Variants in EEPD1 observed in about 807,000 individuals in gnomAD.
The protein encoded by EEPD1 is endonuclease/exonuclease/phosphatase family domain-containing protein 1.
Under a neutral mutation model 46.3 loss-of-function variants are expected in EEPD1, and 17 were observed. The ratio of observed to expected loss-of-function variants is 0.37; its 90% CI spans 0.25 to 0.55. The LOEUF is 0.55. EEPD1 is among the 20% of genes least tolerant of loss of function. The probability of loss-of-function intolerance (pLI) is 0.83; values close to 1 mark genes in which losing one functional copy is unlikely to be tolerated. For missense variants in EEPD1, 673 were observed against 745.6 expected (o/e 0.90, Z 1.13); for synonymous variants, 313 against 315.6 (o/e 0.99, Z 0.09).
chr7:36,164,398 ACT>A lies in EEPD1; in HGVS notation c.878+9198_878+9199del, dbSNP rs1324367977. ...CTCTCTGGTAAGCACATGATGCCCT[ACT>A]CACAGCTGATCAAGCCAAGTGTACT... On this transcript the variant is annotated intron_variant, in intron 2 of 7. Coordinates refer to ENST00000242108, the MANE Select transcript of EEPD1 (RefSeq NM_030636.3). Among the ~76,000 whole-genome samples, 843 of 152,334 alleles carry A rather than the reference ACT, an allele frequency of 5.5e-3. 7 individuals carry two copies. The highest frequency in any genetic ancestry group is 0.02 in the African/African-American group (814 of 41,584).
chr7:36,267,979 A>T (rs1316207120), intron 3 of EEPD1, among the ~76,000 whole-genome samples: 1 of 152,124 alleles, frequency 6.6e-6, no homozygotes, highest in African/African-American at 2.4e-5. Context: ...GTGAGCCCCC[A>T]CCAGGAATGG....
At chr7:36,206,197 G>T (rs199626118) in intron 2 of EEPD1, among the ~76,000 whole-genome samples, 4 of 151,840 alleles carry the variant, frequency 2.6e-5, no homozygotes, top group Non-Finnish European at 4.4e-5. Flanking sequence ...CAAGAAATGA[G>T]CGAATCTCCT....
chr7:36,195,631 A>C (rs1211656872), intron 2 of EEPD1, among the ~76,000 whole-genome samples: 1 of 152,200 alleles, frequency 6.6e-6, no homozygotes, highest in African/African-American at 2.4e-5. Flanking sequence ...TGTCAGTCAA[A>C]GGATACAAAA....
rs1254128922 is a variant in EEPD1, at chr7:36,300,050, G to A, written c.*844G>A. The stretch of plus-strand genomic sequence containing the variant: ...CACTATTTGTTTAGTTCTCTTTGCA[G>A]GACAAGAATTCTCTCAGGGTGGTAT... On this transcript the variant is annotated 3_prime_UTR_variant, in exon 8 of 8. Coordinates refer to ENST00000242108, the MANE Select transcript of EEPD1 (RefSeq NM_030636.3). 2.0e-5 allele frequency: 3 copies of A among 152,296 alleles called. No individual in the cohort carries two copies. The highest frequency in any genetic ancestry group is 7.2e-5 in the African/African-American group (3 of 41,428). The allele number at this position is 152,296 out of a possible 1,614,324, so 9.4% of individuals were successfully genotyped here.
At chr7:36,298,217 C>T (rs1787556549) in intron 7 of EEPD1, among the ~76,000 whole-genome samples, 1 of 152,222 alleles carries the variant, frequency 6.6e-6, no homozygotes, top group African/African-American at 2.4e-5. Flanking sequence ...ACGGCCTTTG[C>T]AGGCCCCCAG....
intron 2 of EEPD1, among the ~76,000 whole-genome samples, chr7:36,156,357 G>A (rs1459512167): frequency 6.6e-6 from 1 of 152,144 alleles, no homozygotes; most frequent in Non-Finnish European, 1.5e-5. Context: ...TCAGGGAACT[G>A]GACTGGGGAG....
At chr7:36,268,269 A>C (rs1787054863) in intron 3 of EEPD1, among the ~76,000 whole-genome samples, 1 of 152,040 alleles carries the variant, frequency 6.6e-6, no homozygotes, top group Non-Finnish European at 1.5e-5. Flanking sequence ...CTCTTGCCTC[A>C]GCCTCCCGAG....
At chr7:36,228,589 A>AG (rs770305335) in intron 2 of EEPD1, 1 of 152,194 alleles carries the variant, frequency 6.6e-6, no homozygotes, top group Non-Finnish European at 1.5e-5. Context: ...TGAAGGAAAA[A>AG]GTTATTCTGC....
chr7:36,198,337 G>GAAAAGAAA (rs1785646464), intron 2 of EEPD1, among the ~76,000 whole-genome samples: 1 of 21,120 alleles, frequency 4.7e-5, no homozygotes, highest in East Asian at 1.9e-3. Context: ...AAAAAAAAAA[G>GAAAAGAAA]AAAAGAAAAA....
chr7:36,161,849 A>G (rs1262353598), intron 2 of EEPD1, among the ~76,000 whole-genome samples: 1 of 150,548 alleles, frequency 6.6e-6, no homozygotes, highest in Admixed American at 6.7e-5. Context: ...AACTGTGATC[A>G]TGCCATTGTT....
intron 5 of EEPD1, among the ~76,000 whole-genome samples, chr7:36,285,160 CA>C (rs1362433675): frequency 2.0e-5 from 3 of 152,182 alleles, no homozygotes; most frequent in Non-Finnish European, 4.4e-5. Flanking sequence ...CCACCTCAGA[CA>C]TACAGAATTT....
intron 2 of EEPD1, among the ~76,000 whole-genome samples, chr7:36,236,191 G>C (rs1022872011): frequency 6.6e-6 from 1 of 152,228 alleles, no homozygotes; most frequent in Non-Finnish European, 1.5e-5. Flanking sequence ...CGCTCTGGCC[G>C]CGCTCAAGGA....
intron 2 of EEPD1, among the ~76,000 whole-genome samples, chr7:36,190,855 C>G (rs1428506248): frequency 6.6e-6 from 1 of 152,228 alleles, no homozygotes. Context: ...GGGTCGTTAT[C>G]CTTCCTGGGA....
intron 2 of EEPD1, among the ~76,000 whole-genome samples, chr7:36,213,803 T>G (rs1785979019): frequency 6.6e-6 from 1 of 152,098 alleles, no homozygotes; most frequent in South Asian, 2.1e-4. Flanking sequence ...TTGGTGGGCG[T>G]GTACCCCCCC....
At chr7:36,231,527 G>C (rs1205791428) in intron 2 of EEPD1, among the ~76,000 whole-genome samples, 2 of 152,104 alleles carry the variant, frequency 1.3e-5, no homozygotes, top group African/African-American at 2.4e-5. Flanking sequence ...CGGATCTACT[G>C]GTCCATGTTG....
intron 3 of EEPD1, among the ~76,000 whole-genome samples, chr7:36,271,088 G>A (rs1330887630): frequency 6.6e-6 from 1 of 152,104 alleles, no homozygotes; most frequent in Non-Finnish European, 1.5e-5. Context: ...CCAGGTTCAA[G>A]CCATTCCCCT....
At chr7:36,217,608 G>A (rs980939413) in intron 2 of EEPD1, among the ~76,000 whole-genome samples, 1 of 152,338 alleles carries the variant, frequency 6.6e-6, no homozygotes, top group African/African-American at 2.4e-5. Context: ...CCCTATTCAA[G>A]ATGGAGTTGT....
chr7:36,290,147 A>G (rs1239354257), intron 6 of EEPD1, among the ~76,000 whole-genome samples: 1 of 152,176 alleles, frequency 6.6e-6, no homozygotes, highest in African/African-American at 2.4e-5. Flanking sequence ...CTTGATCTCA[A>G]ACTTTTTGTG....
At chr7:36,197,247 G>A (rs13235238) in intron 2 of EEPD1, among the ~76,000 whole-genome samples, 1 of 148,490 alleles carries the variant, frequency 6.7e-6, no homozygotes, top group Non-Finnish European at 1.5e-5. Context: ...AGGTGGGGGG[G>A]TCAGGCCCCC....
Sources: gnomAD v4.1 joint callset for allele counts (sites outside exome capture counted in the v4.1 genomes callset) on GRCh38, gnomAD v4.1.1 for gene constraint, MANE v1.5 for transcripts, NCBI Gene and HGNC (gene_info 2026-07-23, HGNC 2026-07-21) for gene names.